TMEM132B: variants seen among roughly 807,000 people sequenced by gnomAD.
TMEM132B encodes transmembrane protein 132B.
Under a neutral mutation model 90.8 loss-of-function variants are expected in TMEM132B, and 18 were observed. That is an observed-to-expected ratio of 0.20 (90% confidence interval 0.14 to 0.29). TMEM132B has a LOEUF of 0.29. Among genes scored for constraint, TMEM132B ranks in the 10% least tolerant of loss-of-function variants. The pLI is 1.00. For synonymous variants in TMEM132B, 504 were observed against 523.3 expected, an observed-to-expected ratio of 0.96 and a Z score of 0.50; for missense variants, 1,096 against 1,326.8, an observed-to-expected ratio of 0.83 and a Z score of 2.70.
intron 4 of TMEM132B, among the ~76,000 whole-genome samples, chr12:125,524,606 T>C (rs577381486): frequency 6.6e-6 from 1 of 152,402 alleles, no homozygotes; most frequent in East Asian, 1.9e-4. Context: ...TAAGGTAAAG[T>C]GTTTGCCCAT....
chr12:125,303,480 CA>C (rs1428726586), intron 1 of TMEM132B, among the ~76,000 whole-genome samples: 1 of 152,154 alleles, frequency 6.6e-6, no homozygotes, highest in Non-Finnish European at 1.5e-5. Flanking sequence ...TATCTGTTTT[CA>C]GATCTTTAGG....
intron 5 of TMEM132B, among the ~76,000 whole-genome samples, chr12:125,615,000 T>C (rs79848453): frequency 0.1 from 15,934 of 152,228 alleles, 1,048 homozygotes; most frequent in South Asian, 0.21. Context: ...GTTATCCTGC[T>C]GTCCTCAGGT....
chr12:125,308,973 C>A (rs1301442311), intron 1 of TMEM132B, among the ~76,000 whole-genome samples: 1 of 152,086 alleles, frequency 6.6e-6, no homozygotes, highest in African/African-American at 2.4e-5. Flanking sequence ...CTGCAACTTG[C>A]TTTTTTTCAG....
At chr12:125,192,552 A>G (rs1308896999) in intron 1 of TMEM132B, among the ~76,000 whole-genome samples, 1 of 152,168 alleles carries the variant, frequency 6.6e-6, no homozygotes, top group African/African-American at 2.4e-5. Context: ...GTCATAGCAC[A>G]CTGCAGCCTC....
chr12:125,654,349 T>C lies in TMEM132B; in HGVS notation c.2891T>C (p.Val964Ala). ...GAAGTGGAACTTTTGGAGAACCCTG[T>C]TGACATTACACTCCCATCAGAGGAG... ...GNEVELLENP[V>A]DITLPSEECT... Residue 964 changes from valine to alanine, a missense_variant, in exon 9 of 9, where the codon GTT becomes GCT. Physicochemically the swap from Val to Ala is moderately conservative, Grantham distance 64. Coordinates refer to ENST00000682704, the MANE Select transcript of TMEM132B (RefSeq NM_001366854.1). The surrounding 1 kb of genome is among the most constrained non-coding windows in gnomAD (Gnocchi z 5.8). 4 of 1,612,860 alleles carry C rather than the reference T, an allele frequency of 2.5e-6. No homozygotes were observed. Among genetic ancestry groups the C allele is most frequent in the Non-Finnish European group, 3.4e-6 (4 of 1,180,020 alleles).
At chr12:125,609,610 T>C (rs1377931589) in intron 5 of TMEM132B, among the ~76,000 whole-genome samples, 1 of 151,278 alleles carries the variant, frequency 6.6e-6, no homozygotes, top group Non-Finnish European at 1.5e-5. Flanking sequence ...GGTCAGGAGA[T>C]CCAGACCATC....
In TMEM132B at chr12:125,251,020, C is replaced by T. The variant is rs532973771; in HGVS notation, c.67+64154C>T. ...TGTTGTTACATTTAATGAGGTTTCT[C>T]TAAAAAGAAGAGATCATTTCCGACT... On this transcript the variant is annotated intron_variant, in intron 1 of 8. Transcript: ENST00000682704. The surrounding 1 kb of genome is among the most constrained non-coding windows in gnomAD (Gnocchi z 4.4). Among the ~76,000 whole-genome samples, 5 of 152,252 alleles carry T rather than the reference C, an allele frequency of 3.3e-5. No individual in the cohort carries two copies. Among genetic ancestry groups the T allele is most frequent in the South Asian group, 2.1e-4 (1 of 4,820 alleles).
At chr12:125,382,689 G>A (rs1021503681) in intron 2 of TMEM132B, among the ~76,000 whole-genome samples, 1 of 152,188 alleles carries the variant, frequency 6.6e-6, no homozygotes, top group African/African-American at 2.4e-5. Flanking sequence ...TTTGATTGCT[G>A]TAATAATTTG....
At chr12:125,270,447 A>G (rs1177309702) in intron 1 of TMEM132B, among the ~76,000 whole-genome samples, 1 of 152,174 alleles carries the variant, frequency 6.6e-6, no homozygotes, top group East Asian at 1.9e-4. Context: ...GTGGAAGCTG[A>G]TAATAAGGGC....
intron 1 of TMEM132B, among the ~76,000 whole-genome samples, chr12:125,338,577 C>CT (rs930574690): frequency 1.4e-4 from 21 of 152,250 alleles, no homozygotes; most frequent in African/African-American, 5.1e-4. Flanking sequence ...TTTTGCGGCT[C>CT]TAATTTCACA....
intron 5 of TMEM132B, among the ~76,000 whole-genome samples, chr12:125,635,801 C>G (rs1734218944): frequency 6.6e-6 from 1 of 152,234 alleles, no homozygotes; most frequent in South Asian, 2.1e-4. Flanking sequence ...TCTCCAGCAT[C>G]TGTTGCTTCC....
Position 125,374,650 on chromosome 12 carries a change from C to T in TMEM132B, c.959+24307C>T, listed in dbSNP as rs373526330. 1.5e-3 allele frequency among the ~76,000 whole-genome samples: 224 copies of T among 151,870 alleles called. 1 individual carries two copies. Among genetic ancestry groups the T allele is most frequent in the South Asian group, 5.2e-3 (25 of 4,780 alleles). ...TGCCCTGCACCCCCCGACCCCGCCC[C>T]GCCCCGGCTTCTCTATCTTTCTTGC... On this transcript the variant is annotated intron_variant, in intron 2 of 8. Coordinates refer to ENST00000682704, the MANE Select transcript of TMEM132B (RefSeq NM_001366854.1).
intron 2 of TMEM132B, among the ~76,000 whole-genome samples, chr12:125,352,263 C>T (rs76234735): frequency 0.071 from 10,795 of 152,254 alleles, 437 homozygotes; most frequent in East Asian, 0.19. Flanking sequence ...TCTAAATATA[C>T]GAAAGAGCTT....
chr12:125,201,044 A>C (rs542013783), intron 1 of TMEM132B, among the ~76,000 whole-genome samples: 1 of 152,072 alleles, frequency 6.6e-6, no homozygotes, highest in East Asian at 1.9e-4. Flanking sequence ...AAAAAGCACT[A>C]TGAATTTATG....
intron 2 of TMEM132B, among the ~76,000 whole-genome samples, chr12:125,389,363 C>A (rs895587455): frequency 7.3e-5 from 11 of 149,716 alleles, no homozygotes; most frequent in Non-Finnish European, 1.5e-4. Context: ...CTCCCCTCCC[C>A]TTCCCTTCCT....
At chr12:125,208,749 G>A (rs373521681) in intron 1 of TMEM132B, among the ~76,000 whole-genome samples, 6 of 152,200 alleles carry the variant, frequency 3.9e-5, no homozygotes, top group Admixed American at 6.5e-5. Context: ...AGATGGCCGC[G>A]TGGTAGAAAG....
intron 3 of TMEM132B, among the ~76,000 whole-genome samples, chr12:125,500,061 A>G (rs1882658477): frequency 6.6e-6 from 1 of 152,132 alleles, no homozygotes; most frequent in African/African-American, 2.4e-5. Context: ...GCACCATGGG[A>G]CCAGAAGGCG....
At chr12:125,193,608 C>T (rs1159413118) in intron 1 of TMEM132B, among the ~76,000 whole-genome samples, 1 of 152,140 alleles carries the variant, frequency 6.6e-6, no homozygotes, top group Non-Finnish European at 1.5e-5. Flanking sequence ...CCTTAATGAC[C>T]AGAAAGAGCC....
chr12:125,529,952 G>A (rs189487572), intron 4 of TMEM132B, among the ~76,000 whole-genome samples: 57 of 152,222 alleles, frequency 3.7e-4, no homozygotes, highest in South Asian at 4.2e-4. Context: ...ATATGGGGCC[G>A]CAGGAGTTCA....
Sources: allele counts gnomAD v4.1 joint callset (sites outside exome capture counted in the v4.1 genomes callset), GRCh38; gene constraint gnomAD v4.1.1; non-coding constraint Gnocchi (gnomAD v3.1); transcripts MANE v1.5; gene names NCBI Gene and HGNC (gene_info 2026-07-23, HGNC 2026-07-21).